TUBD1: variants seen among roughly 807,000 people sequenced by gnomAD.
TUBD1 encodes tubulin delta 1.
A neutral mutation model predicts 51.2 loss-of-function variants in TUBD1; 38 were observed. That is an observed-to-expected ratio of 0.74 (90% confidence interval 0.57 to 0.97). TUBD1 has a LOEUF of 0.97. Ranked by LOEUF, TUBD1 falls within the 50% of genes least tolerant of loss-of-function variation. The pLI is 0.00. For missense variants in TUBD1, 489 were observed against 538.4 expected, an observed-to-expected ratio of 0.91 and a Z score of 0.91; for synonymous variants, 169 against 178.2, an observed-to-expected ratio of 0.95 and a Z score of 0.41.
At chr17:59,867,622 A>G (rs1364651255) in intron 6 of TUBD1, among the ~76,000 whole-genome samples, 1 of 152,120 alleles carries the variant, frequency 6.6e-6, no homozygotes, top group Non-Finnish European at 1.5e-5. Flanking sequence ...CAGGAGGTCG[A>G]GGCTACAGTG....
At chr17:59,882,243 C>T (rs1307769357) in intron 3 of TUBD1, among the ~76,000 whole-genome samples, 1 of 151,972 alleles carries the variant, frequency 6.6e-6, no homozygotes, top group Non-Finnish European at 1.5e-5. Context: ...TCTAAAAGCT[C>T]TCTTTTGTAG....
At chr17:59,889,955 G>C (rs1484674623) in intron 2 of TUBD1, among the ~76,000 whole-genome samples, 2 of 140,574 alleles carry the variant, frequency 1.4e-5, no homozygotes, top group Non-Finnish European at 3.0e-5. Context: ...GGGTGACAGA[G>C]CGAGACTCTC....
In TUBD1 at chr17:59,887,938, C is replaced by CT. The variant is rs11361835; in HGVS notation, c.173-1709dup. On this transcript the variant is annotated intron_variant, in intron 2 of 8. Transcript: ENST00000325752. ...GACACTGTGCCCAGCTGTTAGATGT[C>CT]TTTTTTTTTTTTTTGAGATGGAGTC... Among the ~76,000 whole-genome samples the CT allele has an allele frequency of 1.8e-3, 263 of 144,708 alleles. 1 individual carries two copies. Among genetic ancestry groups the CT allele is most frequent in the Middle Eastern group, 3.7e-3 (1 of 272 alleles). 94.9% of individuals were successfully genotyped at this position (144,708 alleles called of 152,430 possible).
At chr17:59,870,068 A>G (rs573303111) in intron 6 of TUBD1, among the ~76,000 whole-genome samples, 69 of 152,206 alleles carry the variant, frequency 4.5e-4, no homozygotes, top group East Asian at 4.3e-3. Flanking sequence ...CACTTTTCAA[A>G]GTGAAAAAAA....
chr17:59,862,098 C>T (rs528403681), intron 8 of TUBD1, among the ~76,000 whole-genome samples: 5 of 150,984 alleles, frequency 3.3e-5, no homozygotes, highest in Admixed American at 2.6e-4. Context: ...CCAAGGTGGG[C>T]GGATCACCTG....
rs201981004 is a variant in TUBD1 at position 59,874,525 on chromosome 17, G to C, written c.934+14C>G. The C allele has an allele frequency of 6.2e-6, 10 of 1,605,800 alleles. No homozygotes were observed. Among genetic ancestry groups the C allele is most frequent in the Non-Finnish European group, 8.5e-6 (10 of 1,177,970 alleles). On this transcript the variant is annotated intron_variant, in intron 6 of 8. Transcript: ENST00000325752. ...TCCAGCTTGTGGGCTGCATATTTTTGGACTACTCTTTACCTTCTTCCATCT... is the reference window on the plus strand; with the variant it reads ...TCCAGCTTGTGGGCTGCATATTTTTCGACTACTCTTTACCTTCTTCCATCT...
intron 2 of TUBD1, 82 bp downstream of exon 2, chr17:59,890,749 G>C: frequency 3.5e-6 from 4 of 1,152,310 alleles, no homozygotes; most frequent in Non-Finnish European, 4.8e-6. Flanking sequence ...GAAGGAATGG[G>C]GTTTAAAAAC....
At chr17:59,886,709 G>C (rs1443423991) in intron 2 of TUBD1, 1 of 153,054 alleles carries the variant, frequency 6.5e-6, no homozygotes, top group Non-Finnish European at 1.4e-5. Flanking sequence ...ATGTGCCATG[G>C]ACTGTGCTGG....
At chr17:59,864,426 A>C (rs1022608573) in intron 7 of TUBD1, among the ~76,000 whole-genome samples, 3 of 152,094 alleles carry the variant, frequency 2.0e-5, no homozygotes, top group Non-Finnish European at 4.4e-5. Flanking sequence ...GATTATAGGC[A>C]TGAGCCACTG....
chr17:59,868,121 A>AAAAG, intron 6 of TUBD1, among the ~76,000 whole-genome samples: 1 of 147,754 alleles, frequency 6.8e-6, no homozygotes, highest in African/African-American at 2.5e-5. Context: ...AAAAAAAAAA[A>AAAAG]AAAAAAAAAA....
chr17:59,875,365 G>A (rs1169062486), intron 5 of TUBD1, among the ~76,000 whole-genome samples: 1 of 151,258 alleles, frequency 6.6e-6, no homozygotes, highest in South Asian at 2.1e-4. Context: ...GTGAGCCACC[G>A]CACCCACCCT....
In TUBD1 at chr17:59,885,965, A is replaced by G. The variant is rs2040701611; in HGVS notation, c.320+118T>C. The G allele has an allele frequency of 3.4e-6, 4 of 1,160,390 alleles. 1 individual carries two copies. The highest frequency in any genetic ancestry group is 5.1e-4 in the Middle Eastern group (2 of 3,912). 71.9% of individuals were successfully genotyped at this position (1,160,390 alleles called of 1,614,324 possible). A position where few individuals can be genotyped will look rare whatever the true frequency, so the allele number is the denominator to read the frequency against. On this transcript the variant is annotated intron_variant, in intron 3 of 8. Transcript: ENST00000325752. ...CTGGGTAAAATAAAATTCTAAATCT[A>G]AAACAGCAATTTCAAGATTATGTGC...
chr17:59,881,324 G>A (rs763244257), intron 3 of TUBD1, among the ~76,000 whole-genome samples: 43 of 152,160 alleles, frequency 2.8e-4, no homozygotes, highest in Non-Finnish European at 4.8e-4. Context: ...TTATTGGAAC[G>A]CTAAGCATGT....
At chr17:59,871,486 C>G (rs1343185967) in intron 6 of TUBD1, among the ~76,000 whole-genome samples, 1 of 152,122 alleles carries the variant, frequency 6.6e-6, no homozygotes, top group Non-Finnish European at 1.5e-5. Context: ...GTGTGAGCCA[C>G]TGCACCCGGC....
At chr17:59,865,266 T>C (rs1026801489) in intron 7 of TUBD1, among the ~76,000 whole-genome samples, 1 of 152,084 alleles carries the variant, frequency 6.6e-6, no homozygotes, top group African/African-American at 2.4e-5. Flanking sequence ...GTAAGAATAA[T>C]GCCCTTTCAG....
chr17:59,867,489 CTT>C (rs1303414500), intron 6 of TUBD1, among the ~76,000 whole-genome samples: 5 of 152,042 alleles, frequency 3.3e-5, no homozygotes, highest in East Asian at 3.9e-4. Context: ...GGGAGGATCT[CTT>C]GAGTCCAGGA....
Position 59,891,331 on chromosome 17 carries a change from A to T in TUBD1, c.-39-290T>A, listed in dbSNP as rs1308504137. 2.0e-5 allele frequency among the ~76,000 whole-genome samples: 3 copies of T among 148,470 alleles called. No individual in the cohort carries two copies. In the East Asian group the frequency reaches 6.0e-4, roughly 30 times the overall value. ...TTCTTAGTAGAGATGGGGTTTCACC[A>T]TGTTGGCCAGGTTGGTCTTGAACTC... On this transcript the variant is annotated intron_variant, in intron 1 of 8. Transcript: ENST00000325752.
At chr17:59,875,979 C>T (rs1179109377) in intron 5 of TUBD1, among the ~76,000 whole-genome samples, 1 of 152,056 alleles carries the variant, frequency 6.6e-6, no homozygotes, top group Non-Finnish European at 1.5e-5. Context: ...ACACTGAGTA[C>T]AAACTCATAA....
intron 6 of TUBD1, among the ~76,000 whole-genome samples, chr17:59,870,573 A>G (rs1051610281): frequency 6.6e-6 from 1 of 152,114 alleles, no homozygotes; most frequent in African/African-American, 2.4e-5. Context: ...CACCTGGCAC[A>G]GCCCTGTAGA....
Sources: allele counts gnomAD v4.1 joint callset (sites outside exome capture counted in the v4.1 genomes callset), GRCh38; gene constraint gnomAD v4.1.1; transcripts MANE v1.5; gene names NCBI Gene and HGNC (gene_info 2026-07-23, HGNC 2026-07-21).